COPA: variants seen among roughly 807,000 people sequenced by gnomAD.
The protein encoded by COPA is coatomer subunit alpha.
Under a neutral mutation model 158.7 loss-of-function variants are expected in COPA, and 10 were observed. The ratio of observed to expected loss-of-function variants is 0.06; its 90% CI spans 0.04 to 0.11. The LOEUF (loss-of-function observed/expected upper bound fraction) is 0.11. Ranked by LOEUF, COPA falls within the 10% of genes least tolerant of loss-of-function variation. The pLI, the probability that COPA is intolerant of heterozygous loss-of-function variation, is 1.00. For synonymous variants in COPA, 462 were observed against 542.8 expected (o/e 0.85, Z 2.07); for missense variants, 1,065 against 1,536.7 (o/e 0.69, Z 5.13).
In COPA at chr1:160,313,068, G is replaced by A; in HGVS notation, c.925+17C>T. The A allele has an allele frequency of 6.2e-7, 1 of 1,607,370 alleles. No individual in the cohort carries two copies. On this transcript the variant is annotated intron_variant, in intron 10 of 32. Transcript: ENST00000241704. ...CTTTGAATTAAGCAAAGAAAAAAGAGAGAAAATGGCCCTTACCTGCTGCAA... is the reference window on the plus strand; with the variant it reads ...CTTTGAATTAAGCAAAGAAAAAAGAAAGAAAATGGCCCTTACCTGCTGCAA...
chr1:160,299,282 A>G lies in COPA; in HGVS notation c.1668-18T>C. ...CGTGGTCCCTAAGAACAGAGGGCAC[A>G]GCTTTCAGTAAGTGAGAGGGAAAAT... On this transcript the variant is annotated intron_variant, in intron 17 of 32. Transcript: ENST00000241704. 1.9e-6 allele frequency: 3 copies of G among 1,593,082 alleles called. No individual in the cohort carries two copies. Among genetic ancestry groups the G allele is most frequent in the Non-Finnish European group, 2.6e-6 (3 of 1,164,794 alleles).
chr1:160,313,224 C>G (rs1659025323), intron 9 of COPA, 57 bp from the exon 10 acceptor site: 1 of 1,485,052 alleles, frequency 6.7e-7, no homozygotes, highest in Non-Finnish European at 9.4e-7. Context: ...TCAGCCCATC[C>G]TACACAAGAA....
intron 17 of COPA, among the ~76,000 whole-genome samples, chr1:160,301,994 A>G (rs1025098999): frequency 2.0e-5 from 3 of 152,132 alleles, no homozygotes; most frequent in African/African-American, 7.2e-5. Flanking sequence ...TAAGACAAGA[A>G]TGTTTGCTGT....
At chr1:160,297,976 G>A (rs926217717) in intron 19 of COPA, among the ~76,000 whole-genome samples, 5 of 151,976 alleles carry the variant, frequency 3.3e-5, no homozygotes, top group Admixed American at 6.6e-5. Flanking sequence ...TCAAGAGCTC[G>A]AGACCATCCT....
At chr1:160,333,723 TG>T in intron 4 of COPA, 44 bp from the exon 5 acceptor site, 1 of 1,473,452 alleles carries the variant, frequency 6.8e-7, no homozygotes, top group South Asian at 1.2e-5. Context: ...TAAACAAATC[TG>T]TTCTATCAGG....
At chr1:160,341,697 A>C (rs1434039136) in intron 1 of COPA, among the ~76,000 whole-genome samples, 1 of 152,164 alleles carries the variant, frequency 6.6e-6, no homozygotes, top group Non-Finnish European at 1.5e-5. Flanking sequence ...CCCCCCAAAA[A>C]AGTAACTTAA....
At chr1:160,325,176 T>C (rs770327903) in intron 7 of COPA, among the ~76,000 whole-genome samples, 1 of 152,158 alleles carries the variant, frequency 6.6e-6, no homozygotes, top group Non-Finnish European at 1.5e-5. Flanking sequence ...CCTTATGCTT[T>C]TCTGTTTTCC....
Position 160,332,457 on chromosome 1 carries a change from C to A in COPA, c.487G>T (p.Asp163Tyr). 6.2e-7 allele frequency: 1 copy of A among 1,609,990 alleles called. No homozygotes were observed. ...AACTTGGGCAGCTCACCAGAAATATCCCAAACGCGCACAGTCTGGTCCAGG... is the reference window on the plus strand; with the variant it reads ...AACTTGGGCAGCTCACCAGAAATATACCAAACGCGCACAGTCTGGTCCAGG... ...ASLDQTVRVW[D>Y]ISGLRKKNLS... The change falls in exon 6 of 33, where the codon GAT becomes TAT. Residue 163 changes from aspartate (D) to tyrosine (Y), a missense_variant. Coordinates refer to ENST00000241704, the MANE Select transcript of COPA (RefSeq NM_004371.4).
chr1:160,300,101 A>G (rs1658547338), intron 17 of COPA, among the ~76,000 whole-genome samples: 1 of 152,088 alleles, frequency 6.6e-6, no homozygotes, highest in Non-Finnish European at 1.5e-5. Context: ...GCACTTTGGG[A>G]GGCCGAGGCG....
chr1:160,307,779 C>CACCCTGAAG (rs1329034046), intron 13 of COPA, among the ~76,000 whole-genome samples: 5 of 152,348 alleles, frequency 3.3e-5, no homozygotes, highest in African/African-American at 1.2e-4. Flanking sequence ...CCATTCTTAT[C>CACCCTGAAG]ACCCTGAAGA....
rs762273358 is a variant in COPA, at chr1:160,299,226, T to A, written c.1706A>T (p.Tyr569Phe). 6.2e-7 allele frequency: 1 copy of A among 1,614,020 alleles called. No homozygotes were observed. The highest frequency in any genetic ancestry group is 8.5e-7 in the Non-Finnish European group (1 of 1,179,936). ...GIIRTLDLPIYVTRVKGNNVY... is the reference protein window; with the variant it reads ...GIIRTLDLPIFVTRVKGNNVY... ...ATTGTTGCCCTTCACCCGTGTGACA[T>A]AGATGGGTAAATCCAGAGTTCGAAT... Residue 569 changes from tyrosine (Y) to phenylalanine (F), a missense_variant, in exon 18 of 33, where the codon TAT becomes TTT. Physicochemically the swap from Tyr to Phe is conservative, Grantham distance 22. Coordinates refer to ENST00000241704, the MANE Select transcript of COPA (RefSeq NM_004371.4).
At chr1:160,312,483 C>T (rs1275795525) in intron 10 of COPA, among the ~76,000 whole-genome samples, 2 of 152,180 alleles carry the variant, frequency 1.3e-5, no homozygotes, top group Admixed American at 1.3e-4. Flanking sequence ...TTTGCTCTTT[C>T]CCTACTAGCA....
intron 10 of COPA, among the ~76,000 whole-genome samples, chr1:160,312,344 T>C (rs780623223): frequency 2.5e-4 from 38 of 152,228 alleles, no homozygotes; most frequent in Admixed American, 1.9e-3. Flanking sequence ...CATTGTAACA[T>C]GAATTCCCTG....
intron 31 of COPA, 90 bp downstream of exon 31, chr1:160,291,245 G>T (rs1198896413): frequency 3.6e-6 from 5 of 1,386,058 alleles, no homozygotes; most frequent in Non-Finnish European, 5.0e-6. Context: ...GTTATTTATT[G>T]CTTTGTTTCA....
At chr1:160,313,933 TC>T (rs1274837965) in intron 9 of COPA, 56 bp downstream of exon 9, 4 of 1,482,478 alleles carry the variant, frequency 2.7e-6, no homozygotes, top group Non-Finnish European at 3.6e-6. Context: ...AGTATTCCAA[TC>T]TAATTTTAAA....
At chr1:160,292,260 T>A (rs1013903501) in intron 28 of COPA, 62 bp from the exon 29 acceptor site, 1 of 1,574,808 alleles carries the variant, frequency 6.3e-7, no homozygotes, top group Non-Finnish European at 8.6e-7. Flanking sequence ...CCCAATTTCC[T>A]TTTCTGGCAA....
At chr1:160,325,195 CAA>C (rs969038313) in intron 7 of COPA, among the ~76,000 whole-genome samples, 4 of 152,020 alleles carry the variant, frequency 2.6e-5, no homozygotes, top group Admixed American at 2.6e-4. Context: ...CCCACCTGCA[CAA>C]AAGTTACACA....
chr1:160,337,060 C>G (rs575667377), intron 3 of COPA, among the ~76,000 whole-genome samples: 2 of 152,214 alleles, frequency 1.3e-5, no homozygotes, highest in Admixed American at 6.5e-5. Context: ...CACATGTACA[C>G]AGTAGAGTTT....
intron 12 of COPA, among the ~76,000 whole-genome samples, chr1:160,309,470 C>A (rs926490100): frequency 6.6e-6 from 1 of 151,704 alleles, no homozygotes; most frequent in African/African-American, 2.4e-5. Context: ...CAGACTAGGA[C>A]CCTGATATTC....
Sources: gnomAD v4.1 joint callset for allele counts (sites outside exome capture counted in the v4.1 genomes callset) on GRCh38, gnomAD v4.1.1 for gene constraint, MANE v1.5 for transcripts, NCBI Gene and HGNC (gene_info 2026-07-23, HGNC 2026-07-21) for gene names.